The following CHRNE variants were observed in gnomAD, a reference collection of about 807,000 sequenced individuals.
CHRNE encodes the protein cholinergic receptor nicotinic epsilon subunit, also known as acetylcholine receptor subunit epsilon.
CHRNE carries 58 observed loss-of-function variants against 56.5 expected under a neutral mutation model. That is an observed-to-expected ratio of 1.03 (90% CI 0.83 to 1.28). CHRNE has a LOEUF of 1.28. Among genes scored for constraint, CHRNE ranks in the 50% most tolerant of loss-of-function variants. The pLI, the probability that CHRNE is intolerant of heterozygous loss-of-function variation, is 0.00. For synonymous variants in CHRNE, 385 were observed against 297.9 expected, an observed-to-expected ratio of 1.29 and a Z score of -3.01; for missense variants, 793 against 688.9, an observed-to-expected ratio of 1.15 and a Z score of -1.69.
chr17:4,899,027 T>C lies in CHRNE; in HGVS notation c.1300A>G (p.Thr434Ala), dbSNP rs2151093933. 1.9e-6 allele frequency: 3 copies of C among 1,609,478 alleles called. No individual in the cohort carries two copies. In the East Asian group the frequency reaches 6.7e-5, roughly 36 times the overall value. Residue 434 changes from threonine (T) to alanine (A), a missense_variant, in exon 11 of 12, where the codon ACG becomes GCG. Thr to Ala is a moderately conservative substitution (Grantham distance 58, BLOSUM62 0). Transcript: ENST00000649488. ...VDAVNFVAESTRDQEATGEEV... is the reference protein window; with the variant it reads ...VDAVNFVAESARDQEATGEEV... ...TCGCCGGTGGCCTCCTGATCTCTCG[T>C]GCTCTCGGCCACGAAGTTCACGGCA...
In CHRNE at chr17:4,901,530, T is replaced by G. The variant is rs1567639047; in HGVS notation, c.596A>C (p.Tyr199Ser). The change falls in exon 6 of 12, where the codon TAT becomes TCT. Residue 199 changes from tyrosine (Y) to serine (S), a missense_variant. Physicochemically the swap from Tyr to Ser is moderately radical, Grantham distance 144. Coordinates refer to ENST00000649488, the MANE Select transcript of CHRNE (RefSeq NM_000080.4). ...TGAGCAGGCAGGGGCTTCACCAGTATAGGCCTCTGTGTCGATGTCGATCTT... is the reference window on the plus strand; with the variant it reads ...TGAGCAGGCAGGGGCTTCACCAGTAGAGGCCTCTGTGTCGATGTCGATCTT... Reference protein sequence around the residue: ...INKIDIDTEAYTENGEWAIDF... With the variant: ...INKIDIDTEASTENGEWAIDF... 1 of 1,614,040 alleles carries G rather than the reference T, an allele frequency of 6.2e-7. No individual in the cohort carries two copies.
chr17:4,900,758 C>T (rs1460395497), intron 8 of CHRNE, 35 bp downstream of exon 8: 6 of 1,592,684 alleles, frequency 3.8e-6, no homozygotes, highest in South Asian at 3.4e-5. Flanking sequence ...CCACCCTTCA[C>T]ACTGGCCACA....
At chr17:4,908,521 C>T (rs1252519524) in intron 1 of CHRNE, among the ~76,000 whole-genome samples, 1 of 152,192 alleles carries the variant, frequency 6.6e-6, no homozygotes, top group East Asian at 1.9e-4. Context: ...CCGTCTTTGT[C>T]TAGGTTTGGT....
rs1423995073 is a variant in CHRNE, at chr17:4,899,229, C to CTCAAACA, written c.1181_1187dup (p.Glu396AspfsTer3). ...AGGTCCCCTGCCGGTGCCTCTGCCC[C>CTCAAACA]TCAAACACGAGCTCGCTCCGTGGCT... On this transcript the variant is annotated stop_gained and frameshift_variant, in exon 10 of 12. Transcript: ENST00000649488. LOFTEE classifies it high-confidence loss of function. 3.7e-6 allele frequency: 6 copies of CTCAAACA among 1,607,200 alleles called. No individual in the cohort carries two copies. The highest frequency in any genetic ancestry group is 1.7e-5 in the Admixed American group (1 of 59,928).
Position 4,902,977 on chromosome 17 carries a change from A to G in CHRNE, c.46+41T>C, listed in dbSNP as rs1429886294. The G allele has an allele frequency of 1.2e-6, 2 of 1,612,774 alleles. No individual in the cohort carries two copies. The highest frequency in any genetic ancestry group is 2.2e-5 in the East Asian group (1 of 44,852). On this transcript the variant is annotated intron_variant, in intron 1 of 11. Transcript: ENST00000649488. This position sits in a 1 kb window ranked among gnomAD's most constrained non-coding sequence, Gnocchi z 4.0. ...GTCTTCCCAGTCCCTTCATGTCAGT[A>G]TCTGTGTGTGTCCAATTGCCCCTCT...
In CHRNE at chr17:4,899,289, G is replaced by A. The variant is rs1449525013; in HGVS notation, c.1128C>T (p.Gly376=). ...ASPPRRASSV[G]LLLRAEELIL... ...TCAGCTCCTCCGCGCGGAGCAATAA[G>A]CCCACCGACGACGCCCGCCTTGGGG... The change falls in exon 10 of 12, where the codon GGC becomes GGT. Residue 376 remains glycine (G), a synonymous_variant. Coordinates refer to ENST00000649488, the MANE Select transcript of CHRNE (RefSeq NM_000080.4). 2.5e-6 allele frequency: 4 copies of A among 1,597,638 alleles called. No individual in the cohort carries two copies. Among genetic ancestry groups the A allele is most frequent in the South Asian group, 1.1e-5 (1 of 90,278 alleles).
chr17:4,899,417 T>C (rs1053542785), intron 9 of CHRNE, 33 bp from the exon 10 acceptor site: 1 of 1,544,178 alleles, frequency 6.5e-7, no homozygotes, highest in East Asian at 2.4e-5. Flanking sequence ...GGGACGAGGT[T>C]AGTACGAAGC....
At position 4,902,097 on chromosome 17, in the gene CHRNE, C is replaced by T. The variant is rs1267562960; in HGVS notation, c.345-10G>A. 6.2e-7 allele frequency: 1 copy of T among 1,613,908 alleles called. No individual in the cohort carries two copies. The highest frequency in any genetic ancestry group is 8.5e-7 in the Non-Finnish European group (1 of 1,179,986). ...GAACTGGCCATCAATACTGTGGGCTCGGGGAAACCGAGCTTTTTGCACAGG... is the reference window on the plus strand; with the variant it reads ...GAACTGGCCATCAATACTGTGGGCTTGGGGAAACCGAGCTTTTTGCACAGG... On this transcript the variant is annotated splice_polypyrimidine_tract_variant and intron_variant, in intron 4 of 11. Transcript: ENST00000649488. This position sits in a 1 kb window ranked among gnomAD's most constrained non-coding sequence, Gnocchi z 4.0.
At position 4,900,633 on chromosome 17, in the gene CHRNE, A is replaced by G. The variant is rs908031850; in HGVS notation, c.917+160T>C. On this transcript the variant is annotated intron_variant, in intron 8 of 11. Transcript: ENST00000649488. Reference sequence around the variant, plus strand: ...GTGACGTCCAGCAGCAGTGAGGAGGACGGCGGACCAGGGACTCCATCCCCG... The same window carrying G: ...GTGACGTCCAGCAGCAGTGAGGAGGGCGGCGGACCAGGGACTCCATCCCCG... The G allele has an allele frequency of 3.4e-6, 5 of 1,486,412 alleles. No individual in the cohort carries two copies. In the Admixed American group the frequency reaches 5.9e-5, roughly 18 times the overall value. 92.1% of individuals were successfully genotyped at this position (1,486,412 alleles called of 1,614,324 possible). A position where few individuals can be genotyped will look rare whatever the true frequency, so the allele number is the denominator to read the frequency against.
upstream of CHRNE, among the ~76,000 whole-genome samples, chr17:4,907,302 G>A (rs1013913041): frequency 1.3e-5 from 2 of 152,012 alleles, no homozygotes; most frequent in South Asian, 2.1e-4. Flanking sequence ...GGGGGCTCAC[G>A]CCTGTAATCC....
Position 4,902,099 on chromosome 17 carries a change from G to T in CHRNE, c.345-12C>A. 6.2e-7 allele frequency: 1 copy of T among 1,613,802 alleles called. No individual in the cohort carries two copies. Among genetic ancestry groups the T allele is most frequent in the South Asian group, 1.1e-5 (1 of 91,074 alleles). On this transcript the variant is annotated splice_polypyrimidine_tract_variant and intron_variant, in intron 4 of 11. Transcript: ENST00000649488. The surrounding 1 kb of genome is among the most constrained non-coding windows in gnomAD (Gnocchi z 4.0). ...ACTGGCCATCAATACTGTGGGCTCG[G>T]GGAAACCGAGCTTTTTGCACAGGTC...
At chr17:4,903,706 G>T (rs565439382), upstream of CHRNE, among the ~76,000 whole-genome samples, 1 of 152,116 alleles carries the variant, frequency 6.6e-6, no homozygotes, top group Non-Finnish European at 1.5e-5. Flanking sequence ...CAGCCCCTCT[G>T]GGTGGGAGAC....
In CHRNE at chr17:4,899,262, T is replaced by C. The variant is rs755854654; in HGVS notation, c.1155A>G (p.Ile385Met). The change falls in exon 10 of 12, where the codon ATA becomes ATG. Residue 385 changes from isoleucine (I) to methionine (M), a missense_variant. Ile to Met is a conservative substitution (Grantham distance 10). Transcript: ENST00000649488. ...CGAGCTCGCTCCGTGGCTTTTTCAG[T>C]ATCAGCTCCTCCGCGCGGAGCAATA... ...VGLLLRAEEL[I>M]LKKPRSELVF... is the part of the protein sequence containing the mutation. The C allele has an allele frequency of 5.0e-6, 8 of 1,603,894 alleles. No individual in the cohort carries two copies. In the Admixed American group the frequency reaches 1.3e-4, roughly 27 times the overall value.
At position 4,902,042 on chromosome 17, in the gene CHRNE, G is replaced by A. The variant is rs749659243; in HGVS notation, c.390C>T (p.Val130=). The A allele has an allele frequency of 3.1e-6, 5 of 1,614,142 alleles. No homozygotes were observed. The highest frequency in any genetic ancestry group is 4.2e-6 in the Non-Finnish European group (5 of 1,180,054). ...GCCACGTCACGGAGCCGCCCTCGTA[G>A]ACGAGCACGTTGGCGTCGTAGGCCA... ...FGVAYDANVL[V]YEGGSVTWLP... The change falls in exon 5 of 12, where the codon GTC becomes GTT. Residue 130 remains valine (V), a synonymous_variant. Coordinates refer to ENST00000649488, the MANE Select transcript of CHRNE (RefSeq NM_000080.4). The surrounding 1 kb of genome is among the most constrained non-coding windows in gnomAD (Gnocchi z 4.0).
In CHRNE at chr17:4,900,911, G is replaced by A. The variant is rs1015178267; in HGVS notation, c.803-4C>T. 1.9e-6 allele frequency: 3 copies of A among 1,614,024 alleles called. No individual in the cohort carries two copies. Among genetic ancestry groups the A allele is most frequent in the Non-Finnish European group, 1.7e-6 (2 of 1,179,986 alleles). On this transcript the variant is annotated splice_polypyrimidine_tract_variant and splice_region_variant and intron_variant, in intron 7 of 11. Coordinates refer to ENST00000649488, the MANE Select transcript of CHRNE (RefSeq NM_000080.4). ...ACCGTGCATTTCTGGCCGCCGGCTGGAGGGAGAGCCAGTGAGAGCGGGCCC... is the reference window on the plus strand; with the variant it reads ...ACCGTGCATTTCTGGCCGCCGGCTGAAGGGAGAGCCAGTGAGAGCGGGCCC...
chr17:4,901,069 G>A lies in CHRNE; in HGVS notation c.723C>T (p.Leu241=), dbSNP rs886053126. 5.0e-6 allele frequency: 8 copies of A among 1,613,902 alleles called. No homozygotes were observed. Among genetic ancestry groups the A allele is most frequent in the African/African-American group, 1.3e-5 (1 of 74,950 alleles). Residue 241 remains leucine (L), a synonymous_variant, in exon 7 of 12, where the codon CTC becomes CTT. Transcript: ENST00000649488. ...IYSLIIRRKP[L]FYVINIIVPC... is the part of the protein sequence containing the mutation. The stretch of plus-strand genomic sequence containing the variant: ...GCACGATGATGTTAATGACGTAGAA[G>A]AGCGGCTTCCGGCGGATGATGAGCG...
chr17:4,905,650 CAA>C (rs1421891434), upstream of CHRNE, among the ~76,000 whole-genome samples: 5 of 152,010 alleles, frequency 3.3e-5, no homozygotes, highest in Non-Finnish European at 7.4e-5. Context: ...CACCTGAGGT[CAA>C]GAGTTCGAGA....
chr17:4,901,784 C>T, intron 5 of CHRNE, 148 bp downstream of exon 5: 1 of 1,329,748 alleles, frequency 7.5e-7, no homozygotes, highest in Non-Finnish European at 1.1e-6. Flanking sequence ...GTACCTCCGG[C>T]CGCGCTGGAG....
At position 4,898,403 on chromosome 17, in the gene CHRNE, A is replaced by G. The variant is rs888672005; in HGVS notation, c.*333T>C. On this transcript the variant is annotated 3_prime_UTR_variant, in exon 12 of 12. Coordinates refer to ENST00000649488, the MANE Select transcript of CHRNE (RefSeq NM_000080.4). Reference sequence around the variant, plus strand: ...TCTCCTGTTTGGCTATGAAATGAATATAGATAGATAGCTCACAAGCTGGCA... The same window carrying G: ...TCTCCTGTTTGGCTATGAAATGAATGTAGATAGATAGCTCACAAGCTGGCA... 2 of 391,754 alleles carry G rather than the reference A, an allele frequency of 5.1e-6. No homozygotes were observed. The highest frequency in any genetic ancestry group is 7.3e-5 in the Admixed American group (2 of 27,288). 24.3% of individuals were successfully genotyped at this position (391,754 alleles called of 1,614,324 possible). A position where few individuals can be genotyped will look rare whatever the true frequency, so the allele number is the denominator to read the frequency against.
Sources: allele counts gnomAD v4.1 joint callset (sites outside exome capture counted in the v4.1 genomes callset), GRCh38; gene constraint gnomAD v4.1.1; non-coding constraint Gnocchi (gnomAD v3.1); transcripts MANE v1.5; gene names NCBI Gene and HGNC (gene_info 2026-07-23, HGNC 2026-07-21).